The following GABBR2 variants were observed in gnomAD, a reference collection of about 807,000 sequenced individuals.
GABBR2 encodes gamma-aminobutyric acid type B receptor subunit 2.
In GABBR2, 23 loss-of-function variants were observed where a neutral mutation model predicts 105.6. That is an observed-to-expected ratio of 0.22 (90% confidence interval 0.16 to 0.31). GABBR2 has a LOEUF of 0.31. Among genes scored for constraint, GABBR2 ranks in the 10% least tolerant of loss-of-function variants. GABBR2 has a pLI of 1.00. For synonymous variants in GABBR2, 478 were observed against 499.7 expected, an observed-to-expected ratio of 0.96 and a Z score of 0.58; for missense variants, 734 against 1,245.5, an observed-to-expected ratio of 0.59 and a Z score of 6.18.
chr9:98,446,194 A>C (rs913493816), intron 7 of GABBR2, among the ~76,000 whole-genome samples: 1 of 152,240 alleles, frequency 6.6e-6, no homozygotes, highest in Non-Finnish European at 1.5e-5. Flanking sequence ...ATAGGTATGC[A>C]ATGATTGTTT....
At chr9:98,611,749 C>T (rs753053372) in intron 1 of GABBR2, among the ~76,000 whole-genome samples, 33 of 152,236 alleles carry the variant, frequency 2.2e-4, no homozygotes, top group Admixed American at 7.2e-4. Context: ...CTCCCACCAC[C>T]GGGTACCTTG....
rs192861505 is a variant in GABBR2 at position 98,303,446 on chromosome 9, G to A, written c.2230-23C>T. 3.4e-4 allele frequency: 539 copies of A among 1,608,576 alleles called. 3 individuals are homozygous for A. Among genetic ancestry groups the A allele is most frequent in the Admixed American group, 2.0e-3 (121 of 59,742 alleles). ...GAGCTGAAAGGACAAAGGTTGGGGC[G>A]GGGTTGAAGAGAGAGCCTTGAGTCC... On this transcript the variant is annotated intron_variant, in intron 15 of 18. Transcript: ENST00000259455.
chr9:98,524,715 C>T (rs926956726), intron 3 of GABBR2, among the ~76,000 whole-genome samples: 3 of 152,108 alleles, frequency 2.0e-5, no homozygotes, highest in Non-Finnish European at 4.4e-5. Context: ...TCAAAAATAT[C>T]TAGAATCTGG....
At chr9:98,671,137 C>T (rs1469604545) in intron 1 of GABBR2, among the ~76,000 whole-genome samples, 3 of 152,094 alleles carry the variant, frequency 2.0e-5, no homozygotes, top group African/African-American at 7.2e-5. Flanking sequence ...CCTTTAGCAA[C>T]CACTGCCACC....
Position 98,406,603 on chromosome 9 carries a change from T to C in GABBR2, c.1237-462A>G, listed in dbSNP as rs372204733. ...GACCAGAAGGGTGCTAGAGGTCTGT[T>C]GGTATTTCTTATTAGGAATAGAGAA... On this transcript the variant is annotated intron_variant, in intron 7 of 18. Coordinates refer to ENST00000259455, the MANE Select transcript of GABBR2 (RefSeq NM_005458.8). Among the ~76,000 whole-genome samples, 22 of 152,344 alleles carry C rather than the reference T, an allele frequency of 1.4e-4. No individual in the cohort carries two copies. The East Asian group carries it at 1.9e-3, about 13-fold the overall frequency.
intron 11 of GABBR2, among the ~76,000 whole-genome samples, chr9:98,378,735 G>C (rs1831921176): frequency 6.6e-6 from 1 of 152,198 alleles, no homozygotes; most frequent in Non-Finnish European, 1.5e-5. Context: ...CTTTGGCAAG[G>C]GGAGGAGGGT....
At chr9:98,538,214 A>T (rs1828218165) in intron 3 of GABBR2, among the ~76,000 whole-genome samples, 1 of 152,220 alleles carries the variant, frequency 6.6e-6, no homozygotes, top group South Asian at 2.1e-4. Context: ...ACAAGGGAAA[A>T]GTGGATCTCT....
intron 11 of GABBR2, among the ~76,000 whole-genome samples, chr9:98,377,721 C>G (rs1202634627): frequency 6.6e-6 from 1 of 152,100 alleles, no homozygotes; most frequent in Non-Finnish European, 1.5e-5. Flanking sequence ...CTTATTGGCT[C>G]AGGAGTCTGG....
intron 13 of GABBR2, among the ~76,000 whole-genome samples, chr9:98,332,409 A>G (rs1831044018): frequency 6.6e-6 from 1 of 152,172 alleles, no homozygotes; most frequent in Non-Finnish European, 1.5e-5. Context: ...CAGGCTCAGA[A>G]CTAGGTACTT....
chr9:98,708,865 G>A lies in GABBR2; in HGVS notation c.-128C>T, dbSNP rs1830942204. The A allele has an allele frequency of 2.1e-6, 1 of 480,434 alleles. No homozygotes were observed. The highest frequency in any genetic ancestry group is 2.7e-6 in the Non-Finnish European group (1 of 370,374). 29.8% of individuals were successfully genotyped at this position (480,434 alleles called of 1,614,324 possible). ...CGGCCCGGGCCCCGGCTCCGTCTCGGGCTAGGGTTCCGGCTCGGCTCAGAA... is the reference window on the plus strand; with the variant it reads ...CGGCCCGGGCCCCGGCTCCGTCTCGAGCTAGGGTTCCGGCTCGGCTCAGAA... On this transcript the variant is annotated 5_prime_UTR_variant, in exon 1 of 19. Transcript: ENST00000259455.
At chr9:98,393,041 TCC>T (rs1832214909) in intron 9 of GABBR2, among the ~76,000 whole-genome samples, 2 of 81,550 alleles carry the variant, frequency 2.5e-5, no homozygotes, top group Non-Finnish European at 5.2e-5. Flanking sequence ...CATCCATCCA[TCC>T]ATCCATCCAT....
chr9:98,589,307 GA>G (rs1829116146), intron 1 of GABBR2, among the ~76,000 whole-genome samples: 1 of 152,110 alleles, frequency 6.6e-6, no homozygotes, highest in East Asian at 1.9e-4. Context: ...CCTTTCAAAG[GA>G]ATTTCCCCAG....
chr9:98,584,597 AGATGAAATCCAT>A (rs1455840970), intron 1 of GABBR2, among the ~76,000 whole-genome samples: 3 of 152,256 alleles, frequency 2.0e-5, no homozygotes, highest in Non-Finnish European at 4.4e-5. Context: ...GTGAGGCTCC[AGATGAAATCCAT>A]TTTCATTTAA....
chr9:98,424,800 G>A (rs568832974), intron 7 of GABBR2, among the ~76,000 whole-genome samples: 40 of 152,124 alleles, frequency 2.6e-4, no homozygotes, highest in Non-Finnish European at 4.7e-4. Context: ...TCTTCAAGGC[G>A]AACTACAAAC....
intron 7 of GABBR2, among the ~76,000 whole-genome samples, chr9:98,426,423 G>A (rs1173833435): frequency 6.6e-6 from 1 of 152,172 alleles, no homozygotes; most frequent in Non-Finnish European, 1.5e-5. Context: ...TTAGAGTGAG[G>A]GCAAGGAGTA....
intron 1 of GABBR2, among the ~76,000 whole-genome samples, chr9:98,697,395 G>A (rs982758251): frequency 2.0e-5 from 3 of 152,004 alleles, no homozygotes; most frequent in Non-Finnish European, 4.4e-5. Context: ...GAAGGCGGAG[G>A]CAGGAGAATG....
At chr9:98,354,156 G>C (rs1006020486) in intron 13 of GABBR2, among the ~76,000 whole-genome samples, 1 of 152,166 alleles carries the variant, frequency 6.6e-6, no homozygotes, top group Non-Finnish European at 1.5e-5. Context: ...TTTCTGAACA[G>C]TAAGTCTCAA....
chr9:98,397,673 C>T (rs990993152), intron 8 of GABBR2, among the ~76,000 whole-genome samples: 8 of 152,158 alleles, frequency 5.3e-5, no homozygotes, highest in Non-Finnish European at 2.9e-5. Context: ...TGGGAGGTGG[C>T]TTTCCCTCCC....
At chr9:98,379,577 T>C (rs1831936901) in intron 11 of GABBR2, among the ~76,000 whole-genome samples, 1 of 152,218 alleles carries the variant, frequency 6.6e-6, no homozygotes, top group Non-Finnish European at 1.5e-5. Flanking sequence ...CCTCCCAGCC[T>C]CTTTATCCCA....
Sources: gnomAD v4.1 joint callset for allele counts (sites outside exome capture counted in the v4.1 genomes callset) on GRCh38, gnomAD v4.1.1 for gene constraint, MANE v1.5 for transcripts, NCBI Gene and HGNC (gene_info 2026-07-23, HGNC 2026-07-21) for gene names.